WASHC5: variants seen among roughly 807,000 people sequenced by gnomAD.
WASHC5 encodes the protein WASH complex subunit 5.
A neutral mutation model predicts 150.4 loss-of-function variants in WASHC5; 101 were observed. That is an observed-to-expected ratio of 0.67 (90% CI 0.57 to 0.79). The LOEUF (loss-of-function observed/expected upper bound fraction) is 0.79, where lower values mean the gene tolerates loss of function less well. Ranked by LOEUF, WASHC5 falls within the 30% of genes least tolerant of loss-of-function variation. The pLI, the probability that WASHC5 is intolerant of heterozygous loss-of-function variation, is 0.00. For synonymous variants in WASHC5, 467 were observed against 491.2 expected, an observed-to-expected ratio of 0.95 and a Z score of 0.65; for missense variants, 1,195 against 1,396.3, an observed-to-expected ratio of 0.86 and a Z score of 2.30.
intron 11 of WASHC5, among the ~76,000 whole-genome samples, chr8:125,062,278 AT>A: frequency 6.6e-6 from 1 of 152,298 alleles, no homozygotes; most frequent in South Asian, 2.1e-4. Flanking sequence ...AAGGATTAAG[AT>A]GTGTATCTTA....
rs1367401729 is a variant in WASHC5, at chr8:125,044,679, GGT to G, written c.2522_2523del (p.Asp841AlafsTer7). The G allele has an allele frequency of 6.2e-7, 1 of 1,614,032 alleles. No homozygotes were observed. The highest frequency in any genetic ancestry group is 8.5e-7 in the Non-Finnish European group (1 of 1,179,946). The part of the protein sequence containing the change: ...ITDPKMTCHI[D>X]QLNTWYDMKT... Reference sequence around the variant, plus strand: ...TTCATATCATACCAAGTGTTCAGCTGGTCTATGTGACATGTCATTCTAAAATG... The same window carrying G: ...TTCATATCATACCAAGTGTTCAGCTGCTATGTGACATGTCATTCTAAAATG... On this transcript the variant is annotated frameshift_variant, in exon 21 of 29. Coordinates refer to ENST00000318410, the MANE Select transcript of WASHC5 (RefSeq NM_014846.4). LOFTEE classifies it high-confidence loss of function.
At chr8:125,051,878 G>A (rs1391993559) in intron 17 of WASHC5, among the ~76,000 whole-genome samples, 2 of 151,954 alleles carry the variant, frequency 1.3e-5, no homozygotes, top group Non-Finnish European at 2.9e-5. Flanking sequence ...GTGAAACTCT[G>A]TCTCAAAAAA....
chr8:125,024,348 CAG>C lies in WASHC5; in HGVS notation c.*267_*268del. The C allele has an allele frequency of 2.0e-6, 1 of 512,764 alleles. No individual in the cohort carries two copies. The highest frequency in any genetic ancestry group is 3.5e-6 in the Non-Finnish European group (1 of 283,932). 31.8% of individuals were successfully genotyped at this position (512,764 alleles called of 1,614,324 possible). A position where few individuals can be genotyped will look rare whatever the true frequency, so the allele number is the denominator to read the frequency against. The stretch of plus-strand genomic sequence containing the variant: ...TAAAACTAAATGGATTTATACATAA[CAG>C]TTACATTCAGCATTTAAGAGAGGCA... On this transcript the variant is annotated 3_prime_UTR_variant, in exon 29 of 29. Coordinates refer to ENST00000318410, the MANE Select transcript of WASHC5 (RefSeq NM_014846.4).
At position 125,037,233 on chromosome 8, in the gene WASHC5, G is replaced by C; in HGVS notation, c.3181+4C>G. On this transcript the variant is annotated splice_donor_region_variant and intron_variant, in intron 26 of 28. Coordinates refer to ENST00000318410, the MANE Select transcript of WASHC5 (RefSeq NM_014846.4). ...TCATTGCAAATAATAAATGTTATAC[G>C]TACCCAGATTTTTGTTGTATTGAAG... 6.5e-7 allele frequency: 1 copy of C among 1,536,544 alleles called. No individual in the cohort carries two copies. The highest frequency in any genetic ancestry group is 9.0e-7 in the Non-Finnish European group (1 of 1,109,750).
chr8:125,086,710 C>T (rs993552584), intron 1 of WASHC5, among the ~76,000 whole-genome samples: 9 of 152,210 alleles, frequency 5.9e-5, no homozygotes, highest in African/African-American at 2.2e-4. Context: ...CAGGCCTAAG[C>T]CTTGAGAAGG....
At chr8:125,077,118 G>A (rs758261735) in intron 6 of WASHC5, among the ~76,000 whole-genome samples, 2 of 152,110 alleles carry the variant, frequency 1.3e-5, no homozygotes, top group Non-Finnish European at 2.9e-5. Flanking sequence ...ATCCCCTCAC[G>A]TACTAGAAAT....
At chr8:125,061,922 G>A (rs1050412969) in intron 11 of WASHC5, among the ~76,000 whole-genome samples, 4 of 152,134 alleles carry the variant, frequency 2.6e-5, no homozygotes, top group Non-Finnish European at 4.4e-5. Context: ...AGGGTGACAC[G>A]GTGACTAAAT....
At chr8:125,052,007 G>C (rs1816254464) in intron 17 of WASHC5, among the ~76,000 whole-genome samples, 1 of 151,876 alleles carries the variant, frequency 6.6e-6, no homozygotes, top group South Asian at 2.1e-4. Context: ...CTGAGATGAG[G>C]TCAGGGTGCA....
chr8:125,047,444 G>GTTTTT, intron 19 of WASHC5, 113 bp from the exon 20 acceptor site: 1 of 862,362 alleles, frequency 1.2e-6, no homozygotes, highest in Non-Finnish European at 1.7e-6. Context: ...AATAAAGGTT[G>GTTTTT]TTTTTTTTTT....
chr8:125,045,223 A>G (rs1041054214), intron 20 of WASHC5, among the ~76,000 whole-genome samples: 2 of 152,180 alleles, frequency 1.3e-5, no homozygotes, highest in Non-Finnish European at 2.9e-5. Flanking sequence ...GTCCTCTCCA[A>G]ATGATTCTTT....
At chr8:125,059,336 G>A (rs1816513684) in intron 13 of WASHC5, 39 bp from the exon 14 acceptor site, 4 of 1,613,298 alleles carry the variant, frequency 2.5e-6, no homozygotes, top group Admixed American at 3.3e-5. Flanking sequence ...ATGTTCCTAG[G>A]GCCTTTCATC....
chr8:125,062,061 C>A (rs1201119042), intron 11 of WASHC5, among the ~76,000 whole-genome samples: 2 of 151,994 alleles, frequency 1.3e-5, no homozygotes, highest in East Asian at 3.9e-4. Context: ...TATTAAAAGG[C>A]CTTAAAGACT....
At chr8:125,083,420 C>T (rs1817330175) in intron 2 of WASHC5, among the ~76,000 whole-genome samples, 162 bp from the exon 3 acceptor site, 1 of 151,986 alleles carries the variant, frequency 6.6e-6, no homozygotes, top group African/African-American at 2.4e-5. Context: ...ATATAAAATC[C>T]CTTTGAGAGA....
At chr8:125,070,478 C>T (rs539921447) in intron 9 of WASHC5, among the ~76,000 whole-genome samples, 6 of 152,298 alleles carry the variant, frequency 3.9e-5, no homozygotes, top group South Asian at 2.1e-4. Flanking sequence ...GCCGGCTTTC[C>T]GAACATAGAC....
In WASHC5 at chr8:125,059,297, A is replaced by G; in HGVS notation, c.1689T>C (p.Ser563=). Residue 563 remains serine (S), a splice_region_variant and synonymous_variant, in exon 14 of 29, where the codon AGT becomes AGC. Coordinates refer to ENST00000318410, the MANE Select transcript of WASHC5 (RefSeq NM_014846.4). ...DLSFAWQLID[S]FTSIMQESIR... ...TGCTTTCTTGCATGATGGATGTGAAACTGTAAAAAGAAAAGAAACGGTAAG... is the reference window on the plus strand; with the variant it reads ...TGCTTTCTTGCATGATGGATGTGAAGCTGTAAAAAGAAAAGAAACGGTAAG... The G allele has an allele frequency of 1.2e-6, 2 of 1,614,000 alleles. No individual in the cohort carries two copies. Among genetic ancestry groups the G allele is most frequent in the South Asian group, 1.1e-5 (1 of 91,078 alleles).
intron 19 of WASHC5, among the ~76,000 whole-genome samples, chr8:125,047,690 G>C (rs1489956355): frequency 6.6e-6 from 1 of 151,988 alleles, no homozygotes; most frequent in Non-Finnish European, 1.5e-5. Flanking sequence ...CTCCCACCTT[G>C]GCCTCCCAAA....
chr8:125,056,657 A>G lies in WASHC5; in HGVS notation c.2016+20T>C, dbSNP rs772561050. The G allele has an allele frequency of 9.9e-6, 16 of 1,613,850 alleles. No homozygotes were observed. The African/African-American group carries it at 1.9e-4, about 19-fold the overall frequency. On this transcript the variant is annotated intron_variant, in intron 16 of 28. Transcript: ENST00000318410. ...GTTAGTTTTTAATATGAAAAGGCAG[A>G]AGTCAGAGGGACACAGCACCTCGTA...
At chr8:125,047,164 T>G (rs1458883811) in intron 20 of WASHC5, 43 bp downstream of exon 20, 1 of 1,612,316 alleles carries the variant, frequency 6.2e-7, no homozygotes, top group Non-Finnish European at 8.5e-7. Context: ...CAGATGAGAC[T>G]GCCTGCAGTA....
At position 125,043,693 on chromosome 8, in the gene WASHC5, T is replaced by C; in HGVS notation, c.2850+132A>G. ...CAAAATGAATTTTAAAATGATAAAC[T>C]GAAGTATTAAAATATTTTTGATTTA... On this transcript the variant is annotated intron_variant, in intron 23 of 28. Transcript: ENST00000318410. The C allele has an allele frequency of 4.3e-6, 3 of 691,654 alleles. 1 individual carries two copies. The South Asian group carries it at 5.2e-5, about 12-fold the overall frequency. 42.8% of individuals were successfully genotyped at this position (691,654 alleles called of 1,614,324 possible). A position where few individuals can be genotyped will look rare whatever the true frequency, so the allele number is the denominator to read the frequency against.
Sources: gnomAD v4.1 joint callset for allele counts (sites outside exome capture counted in the v4.1 genomes callset) on GRCh38, gnomAD v4.1.1 for gene constraint, MANE v1.5 for transcripts, NCBI Gene and HGNC (gene_info 2026-07-23, HGNC 2026-07-21) for gene names.